Variants in STAG1 observed in about 807,000 individuals in gnomAD.
STAG1 encodes cohesin subunit SA-1.
Under a neutral mutation model 170.9 loss-of-function variants are expected in STAG1, and 26 were observed. The observed-to-expected ratio is 0.15, with a 90% CI of 0.11 to 0.21. STAG1 has a LOEUF of 0.21. Among genes scored for constraint, STAG1 ranks in the 10% least tolerant of loss-of-function variants. The pLI is 1.00. For synonymous variants in STAG1, 514 were observed against 497.7 expected, an observed-to-expected ratio of 1.03 and a Z score of -0.44; for missense variants, 964 against 1,509.5, an observed-to-expected ratio of 0.64 and a Z score of 5.99.
intron 13 of STAG1, among the ~76,000 whole-genome samples, chr3:136,459,984 A>G (rs761465549): frequency 2.6e-5 from 4 of 152,148 alleles, no homozygotes; most frequent in African/African-American, 7.2e-5. Context: ...CAACAACAAC[A>G]TCAAAAAACA....
Position 136,708,655 on chromosome 3 carries a change from A to G in STAG1, c.-84+43540T>C, listed in dbSNP as rs138299044. ...AATAAAAAAAGACTCAGTACTGGAAAGCCAGTATGAAGTATCAAACACTAA... is the reference window on the plus strand; with the variant it reads ...AATAAAAAAAGACTCAGTACTGGAAGGCCAGTATGAAGTATCAAACACTAA... On this transcript the variant is annotated intron_variant, in intron 1 of 33. Coordinates refer to ENST00000383202, the MANE Select transcript of STAG1 (RefSeq NM_005862.3). 3.0e-3 allele frequency among the ~76,000 whole-genome samples: 455 copies of G among 152,308 alleles called. 2 individuals carry two copies. Among genetic ancestry groups the G allele is most frequent in the Admixed American group, 5.2e-3 (79 of 15,294 alleles).
At chr3:136,505,587 C>CT (rs1252117426) in intron 7 of STAG1, among the ~76,000 whole-genome samples, 3 of 152,170 alleles carry the variant, frequency 2.0e-5, no homozygotes, top group East Asian at 1.9e-4. Flanking sequence ...TAAAGAAGCA[C>CT]TTATTTAAAG....
intron 28 of STAG1, among the ~76,000 whole-genome samples, chr3:136,356,546 A>T (rs1403619799): frequency 6.6e-6 from 1 of 151,940 alleles, no homozygotes; most frequent in Admixed American, 6.6e-5. Flanking sequence ...ACACCTGGCT[A>T]ATTTTAAAAT....
At chr3:136,727,202 A>G (rs1489587240) in intron 1 of STAG1, among the ~76,000 whole-genome samples, 3 of 152,172 alleles carry the variant, frequency 2.0e-5, no homozygotes, top group African/African-American at 7.2e-5. Context: ...CAGTATATAA[A>G]TGAAATGAAA....
intron 1 of STAG1, among the ~76,000 whole-genome samples, chr3:136,665,175 T>C (rs1319396772): frequency 6.6e-6 from 1 of 152,240 alleles, no homozygotes. Flanking sequence ...CATATTTTTA[T>C]TTAGATGATC....
At chr3:136,348,572 AT>A (rs979673590) in intron 29 of STAG1, among the ~76,000 whole-genome samples, 1 of 150,122 alleles carries the variant, frequency 6.7e-6, no homozygotes, top group East Asian at 2.0e-4. Context: ...CCCATTTAAA[AT>A]TTTTTTTTTC....
At position 136,662,514 on chromosome 3, in the gene STAG1, A is replaced by T. The variant is rs1941615173; in HGVS notation, c.-83-31533T>A. On this transcript the variant is annotated intron_variant, in intron 1 of 33. Coordinates refer to ENST00000383202, the MANE Select transcript of STAG1 (RefSeq NM_005862.3). Reference sequence around the variant, plus strand: ...GGCTGAGTGTGCTAGCGCAATCATGACTCACTGCAGCATCAACCTCCCAGG... The same window carrying T: ...GGCTGAGTGTGCTAGCGCAATCATGTCTCACTGCAGCATCAACCTCCCAGG... Among the ~76,000 whole-genome samples, 3 of 151,470 alleles carry T rather than the reference A, an allele frequency of 2.0e-5. No homozygotes were observed. The South Asian group carries it at 6.3e-4, about 32-fold the overall frequency.
chr3:136,451,789 G>C (rs2107776308), intron 14 of STAG1, among the ~76,000 whole-genome samples: 1 of 151,792 alleles, frequency 6.6e-6, no homozygotes, highest in African/African-American at 2.4e-5. Flanking sequence ...AAGATATGCA[G>C]TATTGCAATA....
chr3:136,683,930 G>C (rs896854157), intron 1 of STAG1, among the ~76,000 whole-genome samples: 2 of 152,302 alleles, frequency 1.3e-5, no homozygotes, highest in South Asian at 4.1e-4. Flanking sequence ...TACCATTTAT[G>C]TTAGCACCCC....
At chr3:136,536,588 C>T (rs978497520) in intron 6 of STAG1, among the ~76,000 whole-genome samples, 1 of 151,464 alleles carries the variant, frequency 6.6e-6, no homozygotes, top group African/African-American at 2.4e-5. Context: ...GTAGTCCCAG[C>T]TACTCAGGAG....
At chr3:136,368,773 A>C (rs1937178937) in intron 24 of STAG1, among the ~76,000 whole-genome samples, 1 of 152,202 alleles carries the variant, frequency 6.6e-6, no homozygotes, top group South Asian at 2.1e-4. Flanking sequence ...GTATTAAAGG[A>C]GGGAGACTTC....
chr3:136,700,746 C>T (rs1379793969), intron 1 of STAG1, among the ~76,000 whole-genome samples: 1 of 151,816 alleles, frequency 6.6e-6, no homozygotes, highest in Non-Finnish European at 1.5e-5. Context: ...TTTCAAAAGT[C>T]CCTTCCAGTT....
At chr3:136,567,591 C>T (rs1404872319) in intron 5 of STAG1, among the ~76,000 whole-genome samples, 1 of 152,170 alleles carries the variant, frequency 6.6e-6, no homozygotes, top group Non-Finnish European at 1.5e-5. Flanking sequence ...CATCAGCATC[C>T]CTTGCTTTCT....
In STAG1 at chr3:136,542,209, G is replaced by C; in HGVS notation, c.395-14C>G. ...TTCTCACAGTACCTGTGGAACAACA[G>C]ATTTTACATTAATCTTTCAATTAAT... On this transcript the variant is annotated splice_polypyrimidine_tract_variant and intron_variant, in intron 5 of 33. Coordinates refer to ENST00000383202, the MANE Select transcript of STAG1 (RefSeq NM_005862.3). 6.3e-7 allele frequency: 1 copy of C among 1,584,038 alleles called. No individual in the cohort carries two copies. The highest frequency in any genetic ancestry group is 8.6e-7 in the Non-Finnish European group (1 of 1,160,476).
intron 31 of STAG1, among the ~76,000 whole-genome samples, chr3:136,340,813 ACAATT>A (rs1212063999): frequency 2.0e-5 from 3 of 152,260 alleles, no homozygotes; most frequent in African/African-American, 7.2e-5. Flanking sequence ...AAAAGGAAGT[ACAATT>A]CAATAATAAC....
intron 1 of STAG1, among the ~76,000 whole-genome samples, chr3:136,632,654 G>A (rs577121667): frequency 9.2e-5 from 14 of 152,050 alleles, no homozygotes; most frequent in Admixed American, 5.9e-4. Flanking sequence ...AATATGTTAC[G>A]GACTAAGGGC....
At chr3:136,720,780 T>C (rs761353229) in intron 1 of STAG1, among the ~76,000 whole-genome samples, 11 of 151,038 alleles carry the variant, frequency 7.3e-5, no homozygotes, top group Non-Finnish European at 1.2e-4. Flanking sequence ...CAGAGCAAGA[T>C]TCCATCTCAA....
chr3:136,365,978 C>G (rs997119302), intron 25 of STAG1, among the ~76,000 whole-genome samples: 2 of 151,706 alleles, frequency 1.3e-5, no homozygotes, highest in African/African-American at 4.8e-5. Context: ...CCATGCAACT[C>G]TGTTTACACA....
At chr3:136,518,108 G>A (rs1313959291) in intron 7 of STAG1, 5 of 344,474 alleles carry the variant, frequency 1.5e-5, no homozygotes, top group Non-Finnish European at 2.6e-5. Context: ...CATAAACACT[G>A]ACAACAGGGA....
Sources: gnomAD v4.1 joint callset for allele counts (sites outside exome capture counted in the v4.1 genomes callset) on GRCh38, gnomAD v4.1.1 for gene constraint, MANE v1.5 for transcripts, NCBI Gene and HGNC (gene_info 2026-07-23, HGNC 2026-07-21) for gene names.